GRIA3: variants seen among roughly 807,000 people sequenced by gnomAD.
The protein encoded by GRIA3 is glutamate receptor 3.
GRIA3 carries 3 observed loss-of-function variants against 63.0 expected under a neutral mutation model. The ratio of observed to expected loss-of-function variants is 0.05; its 90% CI spans 0.02 to 0.12. The LOEUF is 0.12. Ranked by LOEUF, GRIA3 falls within the 10% of genes least tolerant of loss-of-function variation. The probability of loss-of-function intolerance (pLI) is 1.00; values close to 1 mark genes in which losing one functional copy is unlikely to be tolerated. For missense variants in GRIA3, 347 were observed against 700.9 expected, an observed-to-expected ratio of 0.50 and a Z score of 5.70; for synonymous variants, 274 against 257.9, an observed-to-expected ratio of 1.06 and a Z score of -0.60.
intron 14 of GRIA3, among the ~76,000 whole-genome samples, chrX:123,480,991 T>C (rs1424535201): frequency 3.6e-5 from 4 of 111,595 alleles, no homozygotes; most frequent in African/African-American, 1.3e-4. Context: ...GTTAATTCAT[T>C]TCATGAAATG....
intron 3 of GRIA3, among the ~76,000 whole-genome samples, chrX:123,291,424 G>A (rs777011010): frequency 4.5e-5 from 5 of 110,705 alleles, no homozygotes; most frequent in South Asian, 3.9e-4. Context: ...CTGAGAGAGG[G>A]AGAGAAGAAG....
chrX:123,359,582 A>G (rs777505741), intron 5 of GRIA3, among the ~76,000 whole-genome samples: 5 of 111,883 alleles, frequency 4.5e-5, no homozygotes, highest in Non-Finnish European at 9.4e-5. Flanking sequence ...ACCAAGATAG[A>G]TATGAGTATT....
chrX:123,415,816 G>T (rs1057361672), intron 10 of GRIA3, among the ~76,000 whole-genome samples: 1 of 111,881 alleles, frequency 8.9e-6, no homozygotes, highest in African/African-American at 3.2e-5. Context: ...TGTCTGTCTT[G>T]TTCACTGCTT....
intron 15 of GRIA3, among the ~76,000 whole-genome samples, chrX:123,484,543 C>T (rs1005614862): frequency 1.3e-4 from 15 of 111,802 alleles, no homozygotes; most frequent in African/African-American, 3.9e-4. Flanking sequence ...TGCAGTGACG[C>T]GATCTCAGCT....
In GRIA3 at chrX:123,465,052, T is replaced by C; in HGVS notation, c.2264T>C (p.Val755Ala). The C allele has an allele frequency of 8.3e-7, 1 of 1,208,367 alleles. No individual in the cohort carries two copies. The highest frequency in any genetic ancestry group is 1.1e-6 in the Non-Finnish European group (1 of 892,785). Residue 755 changes from valine to alanine, a missense_variant, in exon 13 of 16, where the codon GTT becomes GCT. Coordinates refer to ENST00000620443, the MANE Select transcript of GRIA3 (RefSeq NM_007325.5). ...AGAAAACCATGTGATACGATGAAAG[T>C]TGGTGGAAATCTGGATTCCAAAGGC... ...EQRKPCDTMK[V>A]GGNLDSKGYG...
At chrX:123,215,090 C>A (rs138431143) in intron 2 of GRIA3, among the ~76,000 whole-genome samples, 1,367 of 112,205 alleles carry the variant, frequency 0.012, 29 homozygotes, top group African/African-American at 0.042. Flanking sequence ...TATATTTCAA[C>A]AATTGATAGT....
At chrX:123,224,161 T>C (rs1473188824) in intron 2 of GRIA3, among the ~76,000 whole-genome samples, 2 of 112,053 alleles carry the variant, frequency 1.8e-5, no homozygotes, top group African/African-American at 6.5e-5. Context: ...GGTCTCTCTC[T>C]AGATTCTCCT....
At chrX:123,463,697 AG>A (rs2045815391) in intron 12 of GRIA3, among the ~76,000 whole-genome samples, 1 of 46,680 alleles carries the variant, frequency 2.1e-5, no homozygotes, top group African/African-American at 1.0e-4. Flanking sequence ...AGAGAAAGAA[AG>A]AAAAAGAAAG....
chrX:123,233,745 C>T (rs2044287784), intron 2 of GRIA3, among the ~76,000 whole-genome samples: 1 of 111,671 alleles, frequency 9.0e-6, no homozygotes, highest in African/African-American at 3.3e-5. Context: ...CTACCTAAGA[C>T]ATTTTATGCT....
At chrX:123,290,309 T>C (rs1239179555) in intron 3 of GRIA3, among the ~76,000 whole-genome samples, 1 of 112,036 alleles carries the variant, frequency 8.9e-6, no homozygotes, top group African/African-American at 3.2e-5. Context: ...TGCTTTTTGG[T>C]TTATTGTCAA....
At chrX:123,311,997 C>T (rs139090907) in intron 3 of GRIA3, among the ~76,000 whole-genome samples, 7 of 111,941 alleles carry the variant, frequency 6.3e-5, no homozygotes, top group Non-Finnish European at 9.4e-5. Flanking sequence ...AATTTCCTCA[C>T]CTGGTTATTT....
chrX:123,366,235 C>CA (rs1394465689), intron 5 of GRIA3, among the ~76,000 whole-genome samples: 2 of 111,321 alleles, frequency 1.8e-5, no homozygotes, highest in African/African-American at 6.5e-5. Context: ...GAATGCAGCC[C>CA]AGTAGGTCTC....
chrX:123,281,441 A>G (rs886373154), intron 3 of GRIA3, among the ~76,000 whole-genome samples: 18 of 112,030 alleles, frequency 1.6e-4, no homozygotes, highest in African/African-American at 5.5e-4. Context: ...AGAAGGGAGA[A>G]TGTGTGTTCT....
chrX:123,415,040 A>T (rs1298524268), intron 10 of GRIA3, among the ~76,000 whole-genome samples: 1 of 112,208 alleles, frequency 8.9e-6, no homozygotes, highest in Non-Finnish European at 1.9e-5. Context: ...TCCCAACAAC[A>T]GTGTAAAAGC....
At chrX:123,236,673 G>A (rs1315354133) in intron 2 of GRIA3, among the ~76,000 whole-genome samples, 1 of 110,367 alleles carries the variant, frequency 9.1e-6, no homozygotes, top group African/African-American at 3.3e-5. Flanking sequence ...TCTCTTTAGG[G>A]TATGCAAATA....
chrX:123,297,954 T>C, intron 3 of GRIA3, among the ~76,000 whole-genome samples: 1 of 110,773 alleles, frequency 9.0e-6, no homozygotes, highest in Non-Finnish European at 1.9e-5. Flanking sequence ...TAGCTCCCAC[T>C]TATAAATAAG....
At chrX:123,270,659 G>A (rs769645307) in intron 3 of GRIA3, among the ~76,000 whole-genome samples, 1 of 112,392 alleles carries the variant, frequency 8.9e-6, no homozygotes, top group African/African-American at 3.2e-5. Context: ...GATTAGCTGT[G>A]TGACCTTGGG....
intron 2 of GRIA3, among the ~76,000 whole-genome samples, chrX:123,250,627 T>C (rs1282740740): frequency 8.9e-6 from 1 of 111,798 alleles, no homozygotes; most frequent in Non-Finnish European, 1.9e-5. Context: ...GGTATGGATC[T>C]GAGAATTACC....
chrX:123,229,204 G>A (rs1232654506), intron 2 of GRIA3, among the ~76,000 whole-genome samples: 1 of 111,152 alleles, frequency 9.0e-6, no homozygotes, highest in Non-Finnish European at 1.9e-5. Flanking sequence ...TGCATTGCAG[G>A]TCTACAATTC....
Sources: gnomAD v4.1 joint callset for allele counts (sites outside exome capture counted in the v4.1 genomes callset) on GRCh38, gnomAD v4.1.1 for gene constraint, MANE v1.5 for transcripts, NCBI Gene and HGNC (gene_info 2026-07-23, HGNC 2026-07-21) for gene names.